The following PDE4C variants were observed in gnomAD, a reference collection of about 807,000 sequenced individuals.
PDE4C encodes the protein phosphodiesterase 4C, also known as 3',5'-cyclic-AMP phosphodiesterase 4C.
A neutral mutation model predicts 63.9 loss-of-function variants in PDE4C; 50 were observed. That is an observed-to-expected ratio of 0.78 (90% CI 0.62 to 0.99). The LOEUF (loss-of-function observed/expected upper bound fraction) is 0.99. PDE4C is among the 50% of genes least tolerant of loss of function. The pLI, the probability that PDE4C is intolerant of heterozygous loss-of-function variation, is 0.00. For missense variants in PDE4C, 777 were observed against 899.1 expected (o/e 0.86, Z 1.74); for synonymous variants, 377 against 385.1 (o/e 0.98, Z 0.25).
intron 1 of PDE4C, among the ~76,000 whole-genome samples, chr19:18,232,262 C>T (rs1436897121): frequency 6.6e-6 from 1 of 151,994 alleles, no homozygotes; most frequent in Non-Finnish European, 1.5e-5. Context: ...CTACTCGAGA[C>T]TGAGGTGGGA....
rs945576557 is a variant in PDE4C at position 18,220,759 on chromosome 19, C to T, written c.499+115G>A. The T allele has an allele frequency of 6.6e-6, 7 of 1,062,828 alleles. No individual in the cohort carries two copies. The highest frequency in any genetic ancestry group is 1.0e-5 in the Non-Finnish European group (7 of 701,118). 65.8% of individuals were successfully genotyped at this position (1,062,828 alleles called of 1,614,324 possible). A position where few individuals can be genotyped will look rare whatever the true frequency, so the allele number is the denominator to read the frequency against. On this transcript the variant is annotated intron_variant, in intron 5 of 14. Coordinates refer to ENST00000262805, the Ensembl canonical transcript of PDE4C. This position sits in a 1 kb window ranked among gnomAD's most constrained non-coding sequence, Gnocchi z 5.1. ...ATCCCCGAGGGCGTTATTGTTTTTG[C>T]AGGGGCGGGGCTACAATTAGCCCCA...
intron 12 of PDE4C, 59 bp downstream of exon 12, chr19:18,216,681 AT>A: frequency 1.3e-6 from 2 of 1,494,130 alleles, no homozygotes; most frequent in South Asian, 2.6e-5. Flanking sequence ...CTGTCTGCAG[AT>A]GAGAAGGATG....
chr19:18,255,217 T>A, the PDE4C span: 1 of 398,930 alleles, frequency 2.5e-6, no homozygotes, highest in Non-Finnish European at 4.4e-6. The surrounding 1 kb of genome is among the most constrained non-coding windows in gnomAD (Gnocchi z 4.6). Context: ...TACCAGCTCT[T>A]ACCTGTAAAG....
intron 1 of PDE4C, among the ~76,000 whole-genome samples, chr19:18,239,311 G>C (rs1232928667): frequency 6.6e-6 from 1 of 152,208 alleles, no homozygotes; most frequent in Non-Finnish European, 1.5e-5. Flanking sequence ...CTGTTTCCAA[G>C]CAGGCTCTGG....
intron 11 of PDE4C, chr19:18,217,219 C>A: frequency 5.4e-6 from 1 of 186,774 alleles, no homozygotes. Flanking sequence ...GGCTGGAGTG[C>A]AGTGGTGCAA....
chr19:18,255,258 A>C, the PDE4C span: 1 of 398,918 alleles, frequency 2.5e-6, no homozygotes, highest in Admixed American at 4.4e-5. This position sits in a 1 kb window ranked among gnomAD's most constrained non-coding sequence, Gnocchi z 4.6. Flanking sequence ...AGCTTTCAGC[A>C]GCACCACCAG....
At chr19:18,229,507 C>T (rs1310854763), upstream of PDE4C, among the ~76,000 whole-genome samples, 1 of 152,178 alleles carries the variant, frequency 6.6e-6, no homozygotes, top group Non-Finnish European at 1.5e-5. Flanking sequence ...TCCCAAAGTA[C>T]TGGGATTACA....
upstream of PDE4C, among the ~76,000 whole-genome samples, chr19:18,252,788 T>C (rs528879938): frequency 2.6e-5 from 4 of 152,268 alleles, no homozygotes; most frequent in East Asian, 5.8e-4. Context: ...TGGCTAATTT[T>C]TGCATTTTTA....
intron 1 of PDE4C, among the ~76,000 whole-genome samples, chr19:18,242,707 C>T (rs1969063277): frequency 1.3e-5 from 2 of 150,406 alleles, no homozygotes; most frequent in South Asian, 4.2e-4. Context: ...ATTGCTTGAA[C>T]CAGGGAGGTG....
chr19:18,237,730 G>A (rs993524738), upstream of PDE4C, among the ~76,000 whole-genome samples: 13 of 151,378 alleles, frequency 8.6e-5, no homozygotes, highest in African/African-American at 2.4e-4. Context: ...AAAATTAGCC[G>A]GGCGTGGTGG....
At chr19:18,254,598 G>T in the PDE4C span, among the ~76,000 whole-genome samples, 2 of 152,196 alleles carry the variant, frequency 1.3e-5, no homozygotes, top group African/African-American at 2.4e-5. Flanking sequence ...CCTTCTGAAT[G>T]AAACCCTTCC....
chr19:18,219,212 G>A (rs775114715), intron 8 of PDE4C, 22 bp downstream of exon 8: 101 of 1,613,892 alleles, frequency 6.3e-5, no homozygotes, highest in Non-Finnish European at 7.5e-5. Context: ...CCTTGATCTT[G>A]GCATTGTGGT....
chr19:18,238,215 ACC>A (rs898111598), upstream of PDE4C, among the ~76,000 whole-genome samples: 66 of 146,246 alleles, frequency 4.5e-4, no homozygotes, highest in African/African-American at 1.6e-3. Context: ...ACAGAGTGAG[ACC>A]CCCTGTATCT....
intron 11 of PDE4C, among the ~76,000 whole-genome samples, chr19:18,217,790 G>C (rs1002693755): frequency 2.0e-5 from 3 of 152,072 alleles, no homozygotes; most frequent in Non-Finnish European, 2.9e-5. Context: ...CCAGCTACTC[G>C]GGAGGCTGAG....
chr19:18,209,627 A>C (rs2147994712), downstream of PDE4C: 1 of 150,642 alleles, frequency 6.6e-6, no homozygotes, highest in East Asian at 2.0e-4. Flanking sequence ...ATCTCAGGCG[A>C]TCCACCCCCA....
At chr19:18,214,385 A>C (rs1968100532) in intron 12 of PDE4C, among the ~76,000 whole-genome samples, 1 of 152,048 alleles carries the variant, frequency 6.6e-6, no homozygotes, top group South Asian at 2.1e-4. Flanking sequence ...GGGGAGGATG[A>C]GTTCTGTGCA....
At chr19:18,239,670 T>C (rs1339717804) in intron 1 of PDE4C, among the ~76,000 whole-genome samples, 2 of 152,078 alleles carry the variant, frequency 1.3e-5, no homozygotes, top group African/African-American at 4.8e-5. Context: ...GGCCCAGTCT[T>C]CCCCTACTGT....
exon 1 of PDE4C, chr19:18,233,134 G>T: frequency 6.4e-7 from 1 of 1,558,764 alleles, no homozygotes; most frequent in East Asian, 2.4e-5. Flanking sequence ...TGGCGGCCGC[G>T]AGAGCGACTC....
At chr19:18,224,149 T>G (rs564976466) in intron 1 of PDE4C, 1 of 953,108 alleles carries the variant, frequency 1.0e-6, no homozygotes, top group Admixed American at 6.2e-5. Context: ...TCAAACCCTG[T>G]CTTTCCCTCT....
Sources: gnomAD v4.1 joint callset for allele counts (sites outside exome capture counted in the v4.1 genomes callset) on GRCh38, gnomAD v4.1.1 for gene constraint, Gnocchi (gnomAD v3.1) non-coding constraint, MANE v1.5 for transcripts, NCBI Gene and HGNC (gene_info 2026-07-23, HGNC 2026-07-21) for gene names.